The following TMEM215 variants were observed in gnomAD, a reference collection of about 807,000 sequenced individuals.
The protein encoded by TMEM215 is transmembrane protein 215.
Under a neutral mutation model 14.7 loss-of-function variants are expected in TMEM215, and 12 were observed. That is an observed-to-expected ratio of 0.82 (90% CI 0.52 to 1.33). The LOEUF (loss-of-function observed/expected upper bound fraction) is 1.33. TMEM215 is among the 40% of genes most tolerant of loss of function. The pLI is 0.00. For missense variants in TMEM215, 276 were observed against 296.2 expected (o/e 0.93, Z 0.50); for synonymous variants, 122 against 124.8 (o/e 0.98, Z 0.15).
rs551210222 is a variant in TMEM215 at position 32,786,838 on chromosome 9, A to G, written c.*1947A>G. On this transcript the variant is annotated 3_prime_UTR_variant, in exon 2 of 2. Coordinates refer to ENST00000342743, the MANE Select transcript of TMEM215 (RefSeq NM_212558.3). ...AAACTTAAAATGTTGGTATAACTCA[A>G]AGTAATCTAATACACAACCTTGCAC... 1 of 167,104 alleles carries G rather than the reference A, an allele frequency of 6.0e-6. No homozygotes were observed. Among genetic ancestry groups the G allele is most frequent in the East Asian group, 1.9e-4 (1 of 5,194 alleles). 10.4% of individuals were successfully genotyped at this position (167,104 alleles called of 1,614,324 possible).
chr9:32,788,124 C>T lies in TMEM215; in HGVS notation c.*3233C>T, dbSNP rs1824527812. Among the ~76,000 whole-genome samples, 1 of 152,112 alleles carries T rather than the reference C, an allele frequency of 6.6e-6. No individual in the cohort carries two copies. Among genetic ancestry groups the T allele is most frequent in the African/African-American group, 2.4e-5 (1 of 41,420 alleles). On this transcript the variant is annotated 3_prime_UTR_variant, in exon 2 of 2. Coordinates refer to ENST00000342743, the MANE Select transcript of TMEM215 (RefSeq NM_212558.3). Reference sequence around the variant, plus strand: ...TGGATCTTAATATCCACTGAGATGACAAATGTAGGAAAGGAAGATTCATTC... The same window carrying T: ...TGGATCTTAATATCCACTGAGATGATAAATGTAGGAAAGGAAGATTCATTC...
Position 32,784,675 on chromosome 9 carries a change from C to G in TMEM215, c.492C>G (p.Gly164=). The G allele has an allele frequency of 6.2e-7, 1 of 1,614,102 alleles. No individual in the cohort carries two copies. The highest frequency in any genetic ancestry group is 8.5e-7 in the Non-Finnish European group (1 of 1,180,024). ...AGGAGACGTCCAGATACCTGGACGG[C>G]TACTGCCCCTCGGGCAGTTCCCTCA... ...HQEETSRYLD[G]YCPSGSSLTY... Residue 164 remains glycine, a synonymous_variant, in exon 2 of 2, where the codon GGC becomes GGG. Transcript: ENST00000342743.
rs1399487162 is a variant in TMEM215 at position 32,784,341 on chromosome 9, G to T, written c.158G>T (p.Gly53Val). 2 of 1,614,114 alleles carry T rather than the reference G, an allele frequency of 1.2e-6. No homozygotes were observed. Among genetic ancestry groups the T allele is most frequent in the Non-Finnish European group, 1.7e-6 (2 of 1,180,050 alleles). The change falls in exon 2 of 2, where the codon GGC (glycine) becomes GTC (valine). Residue 53 changes from glycine (G) to valine (V), a missense_variant. By Grantham distance (109) the Gly-to-Val change is moderately radical. Coordinates refer to ENST00000342743, the MANE Select transcript of TMEM215 (RefSeq NM_212558.3). Reference protein sequence around the residue: ...LAIGPAICLPGIAAIALARKT... With the variant: ...LAIGPAICLPVIAAIALARKT... The stretch of plus-strand genomic sequence containing the variant: ...ATCGGGCCAGCCATCTGCCTACCAG[G>T]CATCGCAGCCATTGCCCTGGCCAGG...
In TMEM215 at chr9:32,784,748, T is replaced by G. The variant is rs148103023; in HGVS notation, c.565T>G (p.Cys189Gly). ...GTGCTCAGCAAGGGACAGATCTGAG[T>G]GCCCTGAGCCTGAGGATAGCATCTT... ...VKCSARDRSE[C>G]PEPEDSIFFV... Residue 189 changes from cysteine (C) to glycine (G), a missense_variant, in exon 2 of 2, where the codon TGC becomes GGC. Cys to Gly is a radical substitution (Grantham distance 159). Transcript: ENST00000342743. 1 of 1,613,966 alleles carries G rather than the reference T, an allele frequency of 6.2e-7. No homozygotes were observed. The highest frequency in any genetic ancestry group is 8.5e-7 in the Non-Finnish European group (1 of 1,180,008).
chr9:32,785,046 T>TA lies in TMEM215; in HGVS notation c.*156dup, dbSNP rs1194606050. The TA allele has an allele frequency of 6.1e-6, 4 of 657,208 alleles. No homozygotes were observed. The highest frequency in any genetic ancestry group is 1.1e-5 in the Non-Finnish European group (4 of 374,910). 40.7% of individuals were successfully genotyped at this position (657,208 alleles called of 1,614,324 possible). On this transcript the variant is annotated 3_prime_UTR_variant, in exon 2 of 2. Coordinates refer to ENST00000342743, the MANE Select transcript of TMEM215 (RefSeq NM_212558.3). Reference sequence around the variant, plus strand: ...CTCTGGTACCCGAGAGTCATGTAAATAGGCATGTTGGGGACACATTTTAGG... The same window carrying TA: ...CTCTGGTACCCGAGAGTCATGTAAATAAGGCATGTTGGGGACACATTTTAGG...
Position 32,786,608 on chromosome 9 carries a change from T to C in TMEM215, c.*1717T>C, listed in dbSNP as rs1471277727. The C allele has an allele frequency of 6.0e-6, 1 of 166,996 alleles. No homozygotes were observed. The highest frequency in any genetic ancestry group is 1.9e-4 in the East Asian group (1 of 5,206). 10.3% of individuals were successfully genotyped at this position (166,996 alleles called of 1,614,324 possible). On this transcript the variant is annotated 3_prime_UTR_variant, in exon 2 of 2. Coordinates refer to ENST00000342743, the MANE Select transcript of TMEM215 (RefSeq NM_212558.3). ...TCAGTGTAAATATTCTATGGTGTTA[T>C]GTCAAAGGCATTTTATATATTGCCA...
At position 32,788,883 on chromosome 9, in the gene TMEM215, G is replaced by T. The variant is rs1363541833; in HGVS notation, c.*3992G>T. Among the ~76,000 whole-genome samples, 1 of 152,188 alleles carries T rather than the reference G, an allele frequency of 6.6e-6. No individual in the cohort carries two copies. Among genetic ancestry groups the T allele is most frequent in the African/African-American group, 2.4e-5 (1 of 41,446 alleles). On this transcript the variant is annotated 3_prime_UTR_variant, in exon 2 of 2. Coordinates refer to ENST00000342743, the MANE Select transcript of TMEM215 (RefSeq NM_212558.3). ...TGTTTCTCACAATTAGATTACAGTG[G>T]TGTCAGTCTTCAAGAGCATCGTGTT...
chr9:32,784,619 T>A lies in TMEM215; in HGVS notation c.436T>A (p.Cys146Ser). 6.2e-7 allele frequency: 1 copy of A among 1,613,640 alleles called. No homozygotes were observed. Among genetic ancestry groups the A allele is most frequent in the Non-Finnish European group, 8.5e-7 (1 of 1,179,892 alleles). ...NSPTPTEEGE[C>S]QSLVQNGHQE... is the part of the protein sequence containing the mutation. ...CCCCACACCCACGGAGGAAGGAGAA[T>A]GCCAGAGCCTCGTCCAGAATGGGCA... The change falls in exon 2 of 2, where the codon TGC becomes AGC. Residue 146 changes from cysteine (C) to serine (S), a missense_variant. Coordinates refer to ENST00000342743, the MANE Select transcript of TMEM215 (RefSeq NM_212558.3).
In TMEM215 at chr9:32,785,040, T is replaced by C. The variant is rs1824490965; in HGVS notation, c.*149T>C. The C allele has an allele frequency of 1.5e-6, 1 of 667,812 alleles. No individual in the cohort carries two copies. The highest frequency in any genetic ancestry group is 2.9e-5 in the Admixed American group (1 of 34,580). 41.4% of individuals were successfully genotyped at this position (667,812 alleles called of 1,614,324 possible). On this transcript the variant is annotated 3_prime_UTR_variant, in exon 2 of 2. Transcript: ENST00000342743. ...GATAACCTCTGGTACCCGAGAGTCA[T>C]GTAAATAGGCATGTTGGGGACACAT...
chr9:32,785,065 T>A lies in TMEM215; in HGVS notation c.*174T>A, dbSNP rs1358373052. 6.4e-6 allele frequency: 4 copies of A among 626,450 alleles called. No individual in the cohort carries two copies. The highest frequency in any genetic ancestry group is 5.7e-6 in the Non-Finnish European group (2 of 350,496). 38.8% of individuals were successfully genotyped at this position (626,450 alleles called of 1,614,324 possible). ...TGTAAATAGGCATGTTGGGGACACA[T>A]TTTAGGGAAGGGCGATGAGGGTTAA... On this transcript the variant is annotated 3_prime_UTR_variant, in exon 2 of 2. Coordinates refer to ENST00000342743, the MANE Select transcript of TMEM215 (RefSeq NM_212558.3).
At chr9:32,783,916 G>A (rs1824469343) in intron 1 of TMEM215, 111 bp downstream of exon 1, 1 of 446,098 alleles carries the variant, frequency 2.2e-6, no homozygotes, top group South Asian at 4.0e-5. Flanking sequence ...AGAGGGGACG[G>A]AGAGAAAGAG....
At position 32,784,602 on chromosome 9, in the gene TMEM215, C is replaced by T; in HGVS notation, c.419C>T (p.Pro140Leu). ...GCCAGCTCCATCAACAGCCCCACAC[C>T]CACGGAGGAAGGAGAATGCCAGAGC... ...SVASSINSPTPTEEGECQSLV... is the reference protein window; with the variant it reads ...SVASSINSPTLTEEGECQSLV... The change falls in exon 2 of 2, where the codon CCC becomes CTC. Residue 140 changes from proline to leucine, a missense_variant. Transcript: ENST00000342743. 1 of 1,613,546 alleles carries T rather than the reference C, an allele frequency of 6.2e-7. No homozygotes were observed.
Position 32,785,163 on chromosome 9 carries a change from A to G in TMEM215, c.*272A>G, listed in dbSNP as rs1200029925. ...TTCTTAACAATTTACACAATGTTAA[A>G]TGTTTTGTAAAATAACCCAAAAAGT... On this transcript the variant is annotated 3_prime_UTR_variant, in exon 2 of 2. Transcript: ENST00000342743. 5.0e-6 allele frequency: 2 copies of G among 400,128 alleles called. No individual in the cohort carries two copies. Among genetic ancestry groups the G allele is most frequent in the Non-Finnish European group, 4.7e-6 (1 of 214,772 alleles). 24.8% of individuals were successfully genotyped at this position (400,128 alleles called of 1,614,324 possible).
At position 32,787,612 on chromosome 9, in the gene TMEM215, A is replaced by G. The variant is rs1162035593; in HGVS notation, c.*2721A>G. Among the ~76,000 whole-genome samples the G allele has an allele frequency of 6.6e-6, 1 of 152,052 alleles. No individual in the cohort carries two copies. Among genetic ancestry groups the G allele is most frequent in the East Asian group, 1.9e-4 (1 of 5,196 alleles). Reference sequence around the variant, plus strand: ...GGAAAAGCCACATTTTTTTGAACAGAGGTAGAAGAGAAAGAGAAAAAAAGT... The same window carrying G: ...GGAAAAGCCACATTTTTTTGAACAGGGGTAGAAGAGAAAGAGAAAAAAAGT... On this transcript the variant is annotated 3_prime_UTR_variant, in exon 2 of 2. Transcript: ENST00000342743.
rs142543932 is a variant in TMEM215 at position 32,785,021 on chromosome 9, C to G, written c.*130C>G. The G allele has an allele frequency of 1.4e-6, 1 of 740,134 alleles. No individual in the cohort carries two copies. Among genetic ancestry groups the G allele is most frequent in the Non-Finnish European group, 2.3e-6 (1 of 443,958 alleles). The allele number at this position is 740,134 out of a possible 1,614,324, so 45.8% of individuals were successfully genotyped here. A position where few individuals can be genotyped will look rare whatever the true frequency, so the allele number is the denominator to read the frequency against. On this transcript the variant is annotated 3_prime_UTR_variant, in exon 2 of 2. Coordinates refer to ENST00000342743, the MANE Select transcript of TMEM215 (RefSeq NM_212558.3). ...CCTGGTATGTGATGGGTGTGATAAC[C>G]TCTGGTACCCGAGAGTCATGTAAAT...
chr9:32,788,799 C>A lies in TMEM215; in HGVS notation c.*3908C>A, dbSNP rs1824535018. Among the ~76,000 whole-genome samples, 1 of 152,156 alleles carries A rather than the reference C, an allele frequency of 6.6e-6. No homozygotes were observed. Among genetic ancestry groups the A allele is most frequent in the African/African-American group, 2.4e-5 (1 of 41,444 alleles). On this transcript the variant is annotated 3_prime_UTR_variant, in exon 2 of 2. Coordinates refer to ENST00000342743, the MANE Select transcript of TMEM215 (RefSeq NM_212558.3). ...TTCCAAAAGATCCTCCCATCAGGAC[C>A]AGAACTAGTATGTTTAGGAGTAAGA...
Position 32,789,136 on chromosome 9 carries a change from G to A in TMEM215, c.*4245G>A, listed in dbSNP as rs967524176. On this transcript the variant is annotated 3_prime_UTR_variant, in exon 2 of 2. Coordinates refer to ENST00000342743, the MANE Select transcript of TMEM215 (RefSeq NM_212558.3). The stretch of plus-strand genomic sequence containing the variant: ...TTCCTACTGGGAAAAACTAAACTGA[G>A]GATGGAAATGGGGACAAATGCTTGG... 1.2e-4 allele frequency among the ~76,000 whole-genome samples: 18 copies of A among 152,182 alleles called. No individual in the cohort carries two copies.
In TMEM215 at chr9:32,784,628, C is replaced by T. The variant is rs267602214; in HGVS notation, c.445C>T (p.Leu149Phe). The change falls in exon 2 of 2, where the codon CTC (leucine) becomes TTC (phenylalanine). Residue 149 changes from leucine to phenylalanine, a missense_variant. Leu to Phe is a conservative substitution (Grantham distance 22, BLOSUM62 0). Transcript: ENST00000342743. Reference protein sequence around the residue: ...TPTEEGECQSLVQNGHQEETS... With the variant: ...TPTEEGECQSFVQNGHQEETS... ...CACGGAGGAAGGAGAATGCCAGAGC[C>T]TCGTCCAGAATGGGCATCAGGAGGA... 1 of 1,613,794 alleles carries T rather than the reference C, an allele frequency of 6.2e-7. No homozygotes were observed. Among genetic ancestry groups the T allele is most frequent in the Non-Finnish European group, 8.5e-7 (1 of 1,179,916 alleles).
In TMEM215 at chr9:32,787,597, C is replaced by A. The variant is rs1034686668; in HGVS notation, c.*2706C>A. Among the ~76,000 whole-genome samples the A allele has an allele frequency of 2.0e-4, 31 of 151,920 alleles. No individual in the cohort carries two copies. The highest frequency in any genetic ancestry group is 4.1e-4 in the Non-Finnish European group (28 of 67,916). On this transcript the variant is annotated 3_prime_UTR_variant, in exon 2 of 2. Transcript: ENST00000342743. ...ATACACAAAAAAAGGGGAAAAGCCACATTTTTTTGAACAGAGGTAGAAGAG... is the reference window on the plus strand; with the variant it reads ...ATACACAAAAAAAGGGGAAAAGCCAAATTTTTTTGAACAGAGGTAGAAGAG...
Sources: allele counts gnomAD v4.1 joint callset (sites outside exome capture counted in the v4.1 genomes callset), GRCh38; gene constraint gnomAD v4.1.1; transcripts MANE v1.5; gene names NCBI Gene and HGNC (gene_info 2026-07-23, HGNC 2026-07-21).